Variants in DYNC1I2 observed in about 807,000 individuals in gnomAD.
DYNC1I2 encodes dynein cytoplasmic 1 intermediate chain 2.
In DYNC1I2, 53 loss-of-function variants were observed where a neutral mutation model predicts 88.6. That is an observed-to-expected ratio of 0.60 (90% CI 0.48 to 0.75). DYNC1I2 has a LOEUF of 0.75. Ranked by LOEUF, DYNC1I2 falls within the 30% of genes least tolerant of loss-of-function variation. DYNC1I2 has a pLI of 0.00. For synonymous variants in DYNC1I2, 198 were observed against 254.6 expected (o/e 0.78, Z 2.12); for missense variants, 458 against 766.6 (o/e 0.60, Z 4.75).
intron 4 of DYNC1I2, 166 bp from the exon 5 acceptor site, chr2:171,707,121 C>A: frequency 1.0e-6 from 1 of 963,380 alleles, no homozygotes; most frequent in Non-Finnish European, 1.6e-6. Context: ...TTTGTCTTTT[C>A]CCCTTTCTTT....
chr2:171,725,749 G>C (rs1688209170), intron 8 of DYNC1I2, 36 bp downstream of exon 8: 1 of 1,400,840 alleles, frequency 7.1e-7, no homozygotes, highest in African/African-American at 1.7e-5. Context: ...ACATTTTGTT[G>C]ATTTCTGTTA....
intron 15 of DYNC1I2, among the ~76,000 whole-genome samples, chr2:171,740,404 G>A (rs9287948): frequency 0.81 from 123,802 of 152,138 alleles, 51,553 homozygotes; most frequent in Non-Finnish European, 0.91. Context: ...CATGACTTAC[G>A]TTTTCTTTCT....
At chr2:171,720,980 C>T (rs1400025748) in intron 7 of DYNC1I2, among the ~76,000 whole-genome samples, 3 of 150,582 alleles carry the variant, frequency 2.0e-5, no homozygotes, top group African/African-American at 7.3e-5. Context: ...AAAATAAAAC[C>T]CAAATTTTAT....
intron 7 of DYNC1I2, among the ~76,000 whole-genome samples, chr2:171,720,563 A>G (rs761862268): frequency 4.3e-4 from 65 of 152,228 alleles, no homozygotes; most frequent in Non-Finnish European, 6.2e-4. Flanking sequence ...GTGAAACCCC[A>G]TCTGTACTGA....
chr2:171,731,475 G>A (rs1209648426), intron 15 of DYNC1I2, among the ~76,000 whole-genome samples: 2 of 152,078 alleles, frequency 1.3e-5, no homozygotes, highest in African/African-American at 2.4e-5. Context: ...AACATTGGCC[G>A]GGCTCAGTGG....
At chr2:171,697,440 T>C (rs1685859211) in intron 3 of DYNC1I2, among the ~76,000 whole-genome samples, 1 of 152,228 alleles carries the variant, frequency 6.6e-6, no homozygotes, top group South Asian at 2.1e-4. Flanking sequence ...TGGGTTTGTC[T>C]GATGGCATTC....
rs1689960229 is a variant in DYNC1I2, at chr2:171,748,949, C to T, written c.*1060C>T. Among the ~76,000 whole-genome samples the T allele has an allele frequency of 1.3e-5, 2 of 152,156 alleles. No individual in the cohort carries two copies. The highest frequency in any genetic ancestry group is 4.8e-5 in the African/African-American group (2 of 41,444). The stretch of plus-strand genomic sequence containing the variant: ...TGAATTTCAGGAATAGAGGAAAGGA[C>T]TATGATCAGATCTTGATTTTATCTA... On this transcript the variant is annotated 3_prime_UTR_variant, in exon 18 of 18. Coordinates refer to ENST00000397119, the MANE Select transcript of DYNC1I2 (RefSeq NM_001378.3).
chr2:171,734,580 T>G (rs1226012774), intron 15 of DYNC1I2, among the ~76,000 whole-genome samples: 1 of 152,192 alleles, frequency 6.6e-6, no homozygotes, highest in Non-Finnish European at 1.5e-5. Flanking sequence ...CCAGTGTTAC[T>G]GTACAAAGGA....
chr2:171,690,916 G>T (rs1307041517), intron 2 of DYNC1I2, among the ~76,000 whole-genome samples: 2 of 151,958 alleles, frequency 1.3e-5, no homozygotes, highest in Non-Finnish European at 2.9e-5. Context: ...TAGGCTTCCC[G>T]AAGTGTTGGG....
chr2:171,718,967 A>G (rs1014374239), intron 7 of DYNC1I2, among the ~76,000 whole-genome samples: 1 of 152,166 alleles, frequency 6.6e-6, no homozygotes, highest in African/African-American at 2.4e-5. Context: ...TGATTCTACG[A>G]TGTGCTTTCT....
At position 171,743,389 on chromosome 2, in the gene DYNC1I2, T is replaced by C. The variant is rs551862392; in HGVS notation, c.1537-660T>C. Among the ~76,000 whole-genome samples the C allele has an allele frequency of 9.2e-5, 14 of 152,282 alleles. No homozygotes were observed. The East Asian group carries it at 2.1e-3, about 23-fold the overall frequency. ...AGTGGATCTCTGCAGTTCAAACCTATATGGTTCAAGGGTCAAATGTATTTA... is the reference window on the plus strand; with the variant it reads ...AGTGGATCTCTGCAGTTCAAACCTACATGGTTCAAGGGTCAAATGTATTTA... On this transcript the variant is annotated intron_variant, in intron 15 of 17. Transcript: ENST00000397119.
intron 7 of DYNC1I2, among the ~76,000 whole-genome samples, chr2:171,721,121 T>TA (rs1170082849): frequency 0.066 from 4,007 of 60,792 alleles, 220 homozygotes; most frequent in African/African-American, 0.11. Context: ...CCCCATCTCT[T>TA]AAAAAAAAAA....
chr2:171,710,122 T>TACAC (rs55862813), intron 5 of DYNC1I2, among the ~76,000 whole-genome samples: 11,962 of 144,076 alleles, frequency 0.083, 578 homozygotes, highest in East Asian at 0.22. Context: ...TATGTATATA[T>TACAC]ACACACACAC....
intron 5 of DYNC1I2, chr2:171,712,459 A>G (rs1687190638): frequency 8.3e-6 from 2 of 241,738 alleles, no homozygotes; most frequent in African/African-American, 2.2e-5. Flanking sequence ...GTCTGACTTT[A>G]GTTGTTCTAA....
intron 5 of DYNC1I2, among the ~76,000 whole-genome samples, chr2:171,707,940 A>AT: frequency 6.6e-6 from 1 of 152,258 alleles, no homozygotes; most frequent in Non-Finnish European, 1.5e-5. Flanking sequence ...GTAAAATTAC[A>AT]TTTCGTGTTT....
At chr2:171,718,904 T>C (rs1463074158) in intron 7 of DYNC1I2, among the ~76,000 whole-genome samples, 2 of 152,164 alleles carry the variant, frequency 1.3e-5, no homozygotes, top group African/African-American at 4.8e-5. Context: ...CTGAAAGAGG[T>C]AGTTTATCGA....
At chr2:171,739,942 G>A (rs1689302793) in intron 15 of DYNC1I2, among the ~76,000 whole-genome samples, 1 of 152,040 alleles carries the variant, frequency 6.6e-6, no homozygotes, top group Admixed American at 6.6e-5. Flanking sequence ...CTGGCCTCAA[G>A]TGATCCGCCT....
rs191937412 is a variant in DYNC1I2, at chr2:171,726,012, A to G, written c.701A>G (p.Glu234Gly). 251 of 1,596,294 alleles carry G rather than the reference A, an allele frequency of 1.6e-4. No individual in the cohort carries two copies. The highest frequency in any genetic ancestry group is 1.9e-4 in the Non-Finnish European group (226 of 1,175,204). ...TTTGACCATTCTACAAGAATTGTAG[A>G]AAGAGCTCTTTCTGAGCAGATTAAC... ...SFFDHSTRIV[E>G]RALSEQINIF... The change falls in exon 9 of 18, where the codon GAA becomes GGA. Residue 234 changes from glutamate to glycine, a missense_variant. Physicochemically the swap from Glu to Gly is moderately conservative, Grantham distance 98. Coordinates refer to ENST00000397119, the MANE Select transcript of DYNC1I2 (RefSeq NM_001378.3).
intron 7 of DYNC1I2, among the ~76,000 whole-genome samples, chr2:171,718,675 C>T (rs1052340253): frequency 5.9e-5 from 9 of 151,304 alleles, no homozygotes; most frequent in African/African-American, 1.9e-4. Flanking sequence ...CCTCGTTATC[C>T]GCCCGCCTGT....
Sources: allele counts gnomAD v4.1 joint callset (sites outside exome capture counted in the v4.1 genomes callset), GRCh38; gene constraint gnomAD v4.1.1; transcripts MANE v1.5; gene names NCBI Gene and HGNC (gene_info 2026-07-23, HGNC 2026-07-21).